TRIP12: variants seen among roughly 807,000 people sequenced by gnomAD.
TRIP12 encodes the protein thyroid hormone receptor interactor 12, also known as E3 ubiquitin-protein ligase TRIP12.
In TRIP12, 25 loss-of-function variants were observed where a neutral mutation model predicts 244.2. The ratio of observed to expected loss-of-function variants is 0.10; its 90% CI spans 0.07 to 0.14. The LOEUF (loss-of-function observed/expected upper bound fraction) is 0.14, where lower values mean the gene tolerates loss of function less well. Ranked by LOEUF, TRIP12 falls within the 10% of genes least tolerant of loss-of-function variation. The pLI is 1.00. For synonymous variants in TRIP12, 905 were observed against 873.1 expected (o/e 1.04, Z -0.64); for missense variants, 1,677 against 2,486.4 (o/e 0.67, Z 6.92).
intron 1 of TRIP12, among the ~76,000 whole-genome samples, chr2:229,893,665 T>C (rs1383109028): frequency 7.5e-4 from 114 of 152,248 alleles, no homozygotes; most frequent in Admixed American, 7.4e-3. Context: ...AATATTCTAC[T>C]GTATGAATAT....
rs181345457 is a variant in TRIP12, at chr2:229,841,318, G to A, written c.1028-391C>T. On this transcript the variant is annotated intron_variant, in intron 4 of 41. Transcript: ENST00000675903. Reference sequence around the variant, plus strand: ...AACTTTGTTACACTGTTCTTATATTGTCCCATTTCAGTTAGTTTATATAAG... The same window carrying A: ...AACTTTGTTACACTGTTCTTATATTATCCCATTTCAGTTAGTTTATATAAG... Among the ~76,000 whole-genome samples, 608 of 151,970 alleles carry A rather than the reference G, an allele frequency of 4.0e-3. 3 individuals carry two copies. Among genetic ancestry groups the A allele is most frequent in the Non-Finnish European group, 6.2e-3 (423 of 67,972 alleles).
intron 33 of TRIP12, 116 bp from the exon 34 acceptor site, chr2:229,785,971 T>C (rs1401531306): frequency 2.2e-6 from 2 of 897,898 alleles, no homozygotes; most frequent in African/African-American, 3.4e-5. Context: ...TTAACACTTA[T>C]TTCCTTAAAC....
intron 2 of TRIP12, among the ~76,000 whole-genome samples, chr2:229,866,438 A>G (rs143543146): frequency 1.3e-3 from 198 of 152,194 alleles, no homozygotes; most frequent in African/African-American, 4.6e-3. Flanking sequence ...GTTATCAACT[A>G]TTTTCCTTTT....
chr2:229,821,598 T>C (rs1388728463), intron 8 of TRIP12, among the ~76,000 whole-genome samples: 1 of 152,212 alleles, frequency 6.6e-6, no homozygotes, highest in East Asian at 1.9e-4. Flanking sequence ...TTGATCTGCA[T>C]TTAATTTTCA....
chr2:229,895,934 C>A (rs73998707), intron 1 of TRIP12, among the ~76,000 whole-genome samples: 1 of 151,996 alleles, frequency 6.6e-6, no homozygotes, highest in Non-Finnish European at 1.5e-5. Flanking sequence ...CTACAGTGAC[C>A]ATGATAGCAC....
chr2:229,818,169 T>C (rs562011214), intron 9 of TRIP12, among the ~76,000 whole-genome samples, 195 bp downstream of exon 9: 2 of 152,292 alleles, frequency 1.3e-5, no homozygotes, highest in East Asian at 1.9e-4. Flanking sequence ...AAAAATGATT[T>C]AGAAAATTTG....
At position 229,778,782 on chromosome 2, in the gene TRIP12, C is replaced by G; in HGVS notation, c.5209+94G>C. 7.3e-7 allele frequency: 1 copy of G among 1,376,020 alleles called. No individual in the cohort carries two copies. The highest frequency in any genetic ancestry group is 1.0e-6 in the Non-Finnish European group (1 of 984,714). 85.2% of individuals were successfully genotyped at this position (1,376,020 alleles called of 1,614,324 possible). A position where few individuals can be genotyped will look rare whatever the true frequency, so the allele number is the denominator to read the frequency against. On this transcript the variant is annotated intron_variant, in intron 35 of 41. Transcript: ENST00000675903. This position sits in a 1 kb window ranked among gnomAD's most constrained non-coding sequence, Gnocchi z 4.1. ...AGAGGCTAAAAGAAAGCAAGTACAG[C>G]TGTCCATTAGAAATTAAATATGTCT...
At chr2:229,803,518 T>C (rs1214614641) in intron 20 of TRIP12, 53 bp downstream of exon 20, 1 of 1,196,146 alleles carries the variant, frequency 8.4e-7, no homozygotes, top group Non-Finnish European at 1.2e-6. Context: ...TAAAACTTTA[T>C]TTCTGTTGAA....
chr2:229,894,655 A>G (rs1005742756), intron 1 of TRIP12, among the ~76,000 whole-genome samples: 1 of 152,236 alleles, frequency 6.6e-6, no homozygotes. Context: ...GAGAATTTAT[A>G]CATGTGTGGC....
Position 229,796,738 on chromosome 2 carries a change from G to A in TRIP12, c.3669C>T (p.Val1223=). 9 of 1,607,312 alleles carry A rather than the reference G, an allele frequency of 5.6e-6. No individual in the cohort carries two copies. The highest frequency in any genetic ancestry group is 5.9e-6 in the Non-Finnish European group (7 of 1,178,222). The change falls in exon 25 of 42, where the codon GTC becomes GTT. Residue 1223 remains valine, a synonymous_variant. Coordinates refer to ENST00000675903, the MANE Select transcript of TRIP12 (RefSeq NM_001348323.3). ...CAAATGATGAAACATCTGACTCTGAGACTATGCTACGGATTTCTACAAGGC... is the reference window on the plus strand; with the variant it reads ...CAAATGATGAAACATCTGACTCTGAAACTATGCTACGGATTTCTACAAGGC... ...AECLVEIRSI[V]SESDVSSFEI...
Position 229,764,264 on chromosome 2 carries a change from T to C in TRIP12, c.*3290A>G, listed in dbSNP as rs796276350. The C allele has an allele frequency of 1.3e-5, 2 of 152,230 alleles. No individual in the cohort carries two copies. Among genetic ancestry groups the C allele is most frequent in the African/African-American group, 4.8e-5 (2 of 41,468 alleles). The allele number at this position is 152,230 out of a possible 1,614,324, so 9.4% of individuals were successfully genotyped here. A position where few individuals can be genotyped will look rare whatever the true frequency, so the allele number is the denominator to read the frequency against. On this transcript the variant is annotated 3_prime_UTR_variant, in exon 42 of 42. Transcript: ENST00000675903. ...TGTCACTAGGTTATCCTTTACCGTG[T>C]ATGTCAACTACTGCAATGTCAAACC...
At chr2:229,896,402 C>T (rs2068835959) in intron 1 of TRIP12, among the ~76,000 whole-genome samples, 1 of 152,088 alleles carries the variant, frequency 6.6e-6, no homozygotes, top group African/African-American at 2.4e-5. Context: ...CTTTGAGAGG[C>T]TGAGGCAGGT....
At chr2:229,860,170 G>GA (rs1559927102) in intron 3 of TRIP12, among the ~76,000 whole-genome samples, 1 of 152,090 alleles carries the variant, frequency 6.6e-6, no homozygotes, top group African/African-American at 2.4e-5. Context: ...TAAGCAAAGG[G>GA]GGAATCTTAC....
intron 13 of TRIP12, among the ~76,000 whole-genome samples, chr2:229,812,755 C>T (rs2047578172): frequency 6.6e-6 from 1 of 152,152 alleles, no homozygotes; most frequent in Non-Finnish European, 1.5e-5. Context: ...GCAGTGAGAT[C>T]ACGCCACTGC....
rs908760504 is a variant in TRIP12, at chr2:229,818,992, G to GT, written c.1451-481dup. On this transcript the variant is annotated intron_variant, in intron 8 of 41. Transcript: ENST00000675903. ...GCAAGGAAATAAAAAACACAACAAC[G>GT]TATCTAACAAAAAAGAGAATGGAAA... 1.4e-5 allele frequency among the ~76,000 whole-genome samples: 2 copies of GT among 140,530 alleles called. 1 individual carries two copies. Among genetic ancestry groups the GT allele is most frequent in the East Asian group, 4.3e-4 (2 of 4,694 alleles). The allele number at this position is 140,530 out of a possible 152,430, so 92.2% of individuals were successfully genotyped here.
At chr2:229,920,847 C>T (rs2076386220) in intron 1 of TRIP12, among the ~76,000 whole-genome samples, 1 of 152,196 alleles carries the variant, frequency 6.6e-6, no homozygotes, top group African/African-American at 2.4e-5. Context: ...GTTATTCGAA[C>T]TCCCCTCTAA....
intron 31 of TRIP12, among the ~76,000 whole-genome samples, 182 bp from the exon 32 acceptor site, chr2:229,789,122 C>T (rs1195911171): frequency 6.6e-6 from 1 of 152,206 alleles, no homozygotes; most frequent in Non-Finnish European, 1.5e-5. Context: ...CCACAATACA[C>T]TGTTAAGCCC....
chr2:229,838,899 T>G (rs2055577939), intron 5 of TRIP12, among the ~76,000 whole-genome samples: 1 of 152,208 alleles, frequency 6.6e-6, no homozygotes, highest in East Asian at 1.9e-4. Flanking sequence ...GTTGTACTGT[T>G]TACTTATGTC....
chr2:229,819,671 A>G (rs553214868), intron 8 of TRIP12, among the ~76,000 whole-genome samples: 1 of 152,342 alleles, frequency 6.6e-6, no homozygotes, highest in African/African-American at 2.4e-5. Context: ...TGTTACTTTT[A>G]AAGCTCCTTC....
Sources: gnomAD v4.1 joint callset for allele counts (sites outside exome capture counted in the v4.1 genomes callset) on GRCh38, gnomAD v4.1.1 for gene constraint, Gnocchi (gnomAD v3.1) non-coding constraint, MANE v1.5 for transcripts, NCBI Gene and HGNC (gene_info 2026-07-23, HGNC 2026-07-21) for gene names.